Variants in PRH1 observed in about 807,000 individuals in gnomAD.
PRH1 encodes the protein proline rich protein HaeIII subfamily 1, also known as salivary acidic proline-rich phosphoprotein 1/2.
PRH1 carries 7 observed loss-of-function variants against 7.9 expected under a neutral mutation model. That is an observed-to-expected ratio of 0.89 (90% confidence interval 0.50 to 1.67). PRH1 has a LOEUF of 1.67. Ranked by LOEUF, PRH1 falls within the 40% of genes most tolerant of loss-of-function variation. The pLI is 0.00. For synonymous variants in PRH1, 45 were observed against 80.8 expected, an observed-to-expected ratio of 0.56 and a Z score of 2.38; for missense variants, 109 against 223.6, an observed-to-expected ratio of 0.49 and a Z score of 3.27.
intron 1 of PRH1, among the ~76,000 whole-genome samples, chr12:11,146,085 T>C (rs1426412746): frequency 2.0e-5 from 3 of 152,172 alleles, no homozygotes; most frequent in Admixed American, 2.0e-4. Context: ...GACTATATCC[T>C]ACTATATGCT....
At chr12:11,065,491 C>A (rs75165472) in intron 1 of PRH1, among the ~76,000 whole-genome samples, 1 of 150,792 alleles carries the variant, frequency 6.6e-6, no homozygotes, top group Admixed American at 6.6e-5. Context: ...ATATTTTCTA[C>A]CTCTTGGTCT....
intron 1 of PRH1, among the ~76,000 whole-genome samples, chr12:11,104,181 T>TA (rs760838136): frequency 0.057 from 2,825 of 49,518 alleles, 46 homozygotes; most frequent in Middle Eastern, 0.12. Flanking sequence ...AATGAAAGAG[T>TA]AAAAAAAAAA....
intron 1 of PRH1, chr12:11,134,079 C>T (rs370581821): frequency 3.7e-5 from 59 of 1,614,016 alleles, no homozygotes; most frequent in Non-Finnish European, 4.4e-5. Context: ...AGCAAACCAA[C>T]TCTGGAGACC....
At chr12:10,882,808 C>A in intron 2 of PRH1, 110 bp from the exon 3 acceptor site, 1 of 1,534,376 alleles carries the variant, frequency 6.5e-7, no homozygotes, top group Non-Finnish European at 8.8e-7. Flanking sequence ...ACCTGCCTCT[C>A]AACTCCCAAC....
At chr12:11,039,979 C>T (rs1370499137) in intron 1 of PRH1, among the ~76,000 whole-genome samples, 1 of 152,170 alleles carries the variant, frequency 6.6e-6, no homozygotes, top group Non-Finnish European at 1.5e-5. Context: ...CAATATTTAT[C>T]AAACTTATCG....
chr12:11,009,936 GAGA>G (rs1940993091), intron 1 of PRH1, among the ~76,000 whole-genome samples: 1 of 151,950 alleles, frequency 6.6e-6, no homozygotes, highest in Non-Finnish European at 1.5e-5. Context: ...AAGCGAGATA[GAGA>G]AGATGTGAGG....
intron 1 of PRH1, among the ~76,000 whole-genome samples, chr12:10,995,330 T>A (rs1940166548): frequency 6.6e-6 from 1 of 152,302 alleles, no homozygotes; most frequent in Admixed American, 6.5e-5. Context: ...GTAAGATATA[T>A]GATAAACAAA....
At chr12:10,928,403 A>G (rs1435834790) in intron 2 of PRH1, among the ~76,000 whole-genome samples, 1 of 152,234 alleles carries the variant, frequency 6.6e-6, no homozygotes, top group East Asian at 1.9e-4. Flanking sequence ...TGAATTCTAT[A>G]GAATATTCTG....
chr12:11,037,037 A>G (rs1379384740), intron 1 of PRH1, among the ~76,000 whole-genome samples: 1 of 152,160 alleles, frequency 6.6e-6, no homozygotes, highest in Non-Finnish European at 1.5e-5. Context: ...ATAATGTAAA[A>G]CCAACATATT....
chr12:11,042,563 C>G (rs1901188), intron 1 of PRH1, among the ~76,000 whole-genome samples: 27 of 144,144 alleles, frequency 1.9e-4, no homozygotes, highest in African/African-American at 6.3e-4. Flanking sequence ...AGAACTGATG[C>G]CAATCCTACT....
chr12:10,976,734 A>T (rs1939118155), intron 1 of PRH1, among the ~76,000 whole-genome samples: 1 of 152,128 alleles, frequency 6.6e-6, no homozygotes, highest in Non-Finnish European at 1.5e-5. Context: ...CAAAGGGGAC[A>T]TTACCACTGA....
chr12:10,980,251 T>C (rs1242220628), intron 1 of PRH1, among the ~76,000 whole-genome samples: 1 of 152,208 alleles, frequency 6.6e-6, no homozygotes, highest in African/African-American at 2.4e-5. Context: ...ACTGAGACAC[T>C]AACTGTACCA....
At chr12:10,905,141 T>G (rs1170593810) in intron 2 of PRH1, among the ~76,000 whole-genome samples, 1 of 151,820 alleles carries the variant, frequency 6.6e-6, no homozygotes, top group Non-Finnish European at 1.5e-5. Context: ...GAACTTAAAA[T>G]AAACTACCAT....
At chr12:11,042,486 T>TA (rs140733298) in intron 1 of PRH1, among the ~76,000 whole-genome samples, 23,780 of 94,896 alleles carry the variant, frequency 0.25, 3,239 homozygotes, top group Non-Finnish European at 0.3. Flanking sequence ...TCTCCCAGTT[T>TA]AAAAAAAAAA....
chr12:10,887,419 G>A (rs532488329), upstream of PRH1, among the ~76,000 whole-genome samples: 472 of 152,118 alleles, frequency 3.1e-3, 2 homozygotes, highest in African/African-American at 0.011. Context: ...AAAAAGTTTG[G>A]TGACACTATT....
At chr12:10,962,718 C>A (rs1262142872) in intron 2 of PRH1, among the ~76,000 whole-genome samples, 3 of 152,178 alleles carry the variant, frequency 2.0e-5, no homozygotes, top group Non-Finnish European at 2.9e-5. Flanking sequence ...TTTATGTGAT[C>A]TTTTAGGTCC....
intron 1 of PRH1, among the ~76,000 whole-genome samples, chr12:11,056,786 C>T (rs1226888002): frequency 6.6e-6 from 1 of 152,102 alleles, no homozygotes; most frequent in Non-Finnish European, 1.5e-5. Context: ...CCACTGCACA[C>T]CAGCCTGGGA....
chr12:11,072,496 TCTC>T (rs1360876221), intron 1 of PRH1, among the ~76,000 whole-genome samples: 2 of 152,236 alleles, frequency 1.3e-5, no homozygotes, highest in African/African-American at 4.8e-5. Context: ...CCTGCGAAAT[TCTC>T]CTCCACTGGC....
intron 2 of PRH1, among the ~76,000 whole-genome samples, chr12:10,945,621 A>G (rs1950474588): frequency 6.6e-6 from 1 of 152,208 alleles, no homozygotes. Flanking sequence ...AAAATTGCTA[A>G]TGAAGTTTCG....
Sources: allele counts gnomAD v4.1 joint callset (sites outside exome capture counted in the v4.1 genomes callset), GRCh38; gene constraint gnomAD v4.1.1; transcripts MANE v1.5; gene names NCBI Gene and HGNC (gene_info 2026-07-23, HGNC 2026-07-21).